The following FARS2 variants were observed in gnomAD, a reference collection of about 807,000 sequenced individuals.
FARS2 encodes phenylalanine--tRNA ligase, mitochondrial.
Under a neutral mutation model 46.4 loss-of-function variants are expected in FARS2, and 40 were observed. That is an observed-to-expected ratio of 0.86 (90% CI 0.67 to 1.12). The LOEUF (loss-of-function observed/expected upper bound fraction) is 1.12, where lower values mean the gene tolerates loss of function less well. FARS2 is among the 50% of genes most tolerant of loss of function. The pLI, the probability that FARS2 is intolerant of heterozygous loss-of-function variation, is 0.00. For synonymous variants in FARS2, 234 were observed against 214.9 expected, an observed-to-expected ratio of 1.09 and a Z score of -0.78; for missense variants, 513 against 567.9, an observed-to-expected ratio of 0.90 and a Z score of 0.98.
chr6:5,732,116 C>T (rs565869183), intron 6 of FARS2, among the ~76,000 whole-genome samples: 4 of 152,276 alleles, frequency 2.6e-5, no homozygotes, highest in Admixed American at 1.3e-4. Context: ...GATTGAAAGT[C>T]GCTTAAATAA....
At position 5,381,370 on chromosome 6, in the gene FARS2, A is replaced by AATACAC. The variant is rs368344271; in HGVS notation, c.612+12189_612+12190insTACACA. On this transcript the variant is annotated intron_variant, in intron 2 of 6. Coordinates refer to ENST00000274680, the MANE Select transcript of FARS2 (RefSeq NM_006567.5). The stretch of plus-strand genomic sequence containing the variant: ...ATGAGAAATTTGCATACTCCCCAGA[A>AATACAC]ACACACACACACACACACACACACA... 3.4e-3 allele frequency among the ~76,000 whole-genome samples: 448 copies of AATACAC among 132,974 alleles called. 3 individuals are homozygous for AATACAC. The highest frequency in any genetic ancestry group is 9.3e-3 in the East Asian group (44 of 4,736). 87.2% of individuals were successfully genotyped at this position (132,974 alleles called of 152,430 possible).
intron 3 of FARS2, among the ~76,000 whole-genome samples, chr6:5,415,862 A>G (rs906347487): frequency 6.6e-6 from 1 of 152,142 alleles, no homozygotes; most frequent in African/African-American, 2.4e-5. Flanking sequence ...GCTCATCACA[A>G]TGCCAGTTAA....
At chr6:5,609,399 C>A in intron 5 of FARS2, 1 of 1,269,150 alleles carries the variant, frequency 7.9e-7, no homozygotes, top group South Asian at 1.2e-5. Flanking sequence ...GTTGTAATTG[C>A]CAAAATCATT....
At chr6:5,740,498 G>A (rs973408254) in intron 6 of FARS2, among the ~76,000 whole-genome samples, 2 of 151,810 alleles carry the variant, frequency 1.3e-5, no homozygotes, top group African/African-American at 2.4e-5. Context: ...TACCAAGTAA[G>A]GGTTTTTTTT....
Position 5,472,881 on chromosome 6 carries a change from C to A in FARS2, c.904+41709C>A, listed in dbSNP as rs564645950. Among the ~76,000 whole-genome samples, 5 of 152,190 alleles carry A rather than the reference C, an allele frequency of 3.3e-5. No homozygotes were observed. The East Asian group carries it at 7.7e-4, about 24-fold the overall frequency. On this transcript the variant is annotated intron_variant, in intron 4 of 6. Transcript: ENST00000274680. ...GGTGGAAGAAATAAGAATACACACCCCCGCAACTTTGTTAAATACAGAGAG... is the reference window on the plus strand; with the variant it reads ...GGTGGAAGAAATAAGAATACACACCACCGCAACTTTGTTAAATACAGAGAG...
chr6:5,682,969 A>G (rs1269186811), intron 6 of FARS2, among the ~76,000 whole-genome samples: 1 of 152,220 alleles, frequency 6.6e-6, no homozygotes, highest in East Asian at 1.9e-4. Context: ...GCACGTGCAA[A>G]GGCACTGAGG....
chr6:5,282,690 G>A (rs1346817349), intron 1 of FARS2, among the ~76,000 whole-genome samples: 1 of 152,226 alleles, frequency 6.6e-6, no homozygotes, highest in Non-Finnish European at 1.5e-5. Context: ...ATAAACTGGT[G>A]CTTTAGAAAG....
intron 6 of FARS2, among the ~76,000 whole-genome samples, chr6:5,690,604 G>A (rs531362587): frequency 2.0e-4 from 30 of 151,628 alleles, no homozygotes; most frequent in Admixed American, 2.6e-4. Context: ...TGGGTAACCC[G>A]ACCTTTCTCT....
chr6:5,537,462 C>T (rs1399544567), intron 4 of FARS2, among the ~76,000 whole-genome samples: 2 of 136,312 alleles, frequency 1.5e-5, no homozygotes, highest in African/African-American at 5.4e-5. Flanking sequence ...GGCCTCCTCT[C>T]GAGCTGGAGA....
At chr6:5,423,043 T>A (rs1762644446) in intron 3 of FARS2, among the ~76,000 whole-genome samples, 1 of 152,136 alleles carries the variant, frequency 6.6e-6, no homozygotes, top group African/African-American at 2.4e-5. Flanking sequence ...GGGATTTGCT[T>A]CTAGATCTGT....
intron 5 of FARS2, among the ~76,000 whole-genome samples, chr6:5,589,131 C>T (rs901195734): frequency 6.6e-6 from 1 of 152,304 alleles, no homozygotes. Flanking sequence ...CAAGGCCTGT[C>T]ACACAGCCTG....
intron 1 of FARS2, among the ~76,000 whole-genome samples, chr6:5,353,449 C>T (rs1289506852): frequency 2.0e-5 from 3 of 152,066 alleles, no homozygotes; most frequent in East Asian, 1.9e-4. Context: ...TATAGAAGTC[C>T]TATTTTTAGT....
intron 4 of FARS2, among the ~76,000 whole-genome samples, chr6:5,432,944 A>G (rs943101311): frequency 3.3e-5 from 5 of 152,010 alleles, no homozygotes; most frequent in African/African-American, 1.2e-4. Flanking sequence ...GGTACTCTCC[A>G]TCTGCAGGGG....
chr6:5,479,741 T>G (rs1372310313), intron 4 of FARS2, among the ~76,000 whole-genome samples: 3 of 152,212 alleles, frequency 2.0e-5, no homozygotes, highest in Non-Finnish European at 2.9e-5. Context: ...AAAAAAATCA[T>G]TCTGGTTTGA....
In FARS2 at chr6:5,286,683, T is replaced by A. The variant is rs183396648; in HGVS notation, c.-22+25023T>A. Among the ~76,000 whole-genome samples, 347 of 152,320 alleles carry A rather than the reference T, an allele frequency of 2.3e-3. 1 individual carries two copies. The highest frequency in any genetic ancestry group is 3.7e-3 in the Non-Finnish European group (251 of 68,024). On this transcript the variant is annotated intron_variant, in intron 1 of 6. Coordinates refer to ENST00000274680, the MANE Select transcript of FARS2 (RefSeq NM_006567.5). ...GTATTATATACATAATTATATTCAA[T>A]GCGATTTATAAAATACATGTATGAT...
At chr6:5,762,685 G>C (rs560193281) in intron 6 of FARS2, among the ~76,000 whole-genome samples, 2 of 152,314 alleles carry the variant, frequency 1.3e-5, no homozygotes, top group South Asian at 2.1e-4. Context: ...TGGGCCCGGC[G>C]GGGGAGGCCC....
intron 4 of FARS2, among the ~76,000 whole-genome samples, chr6:5,504,858 C>T (rs962914900): frequency 6.6e-6 from 1 of 152,072 alleles, no homozygotes; most frequent in African/African-American, 2.4e-5. Context: ...GGGTCTTTCT[C>T]TCTGTTACCC....
intron 4 of FARS2, among the ~76,000 whole-genome samples, chr6:5,536,417 G>A (rs1205862341): frequency 1.3e-5 from 2 of 152,110 alleles, no homozygotes; most frequent in Non-Finnish European, 2.9e-5. Context: ...AAAAATAGGA[G>A]TGTCTGCTGG....
intron 6 of FARS2, among the ~76,000 whole-genome samples, chr6:5,667,024 C>T (rs937076005): frequency 3.3e-5 from 5 of 151,996 alleles, no homozygotes; most frequent in Non-Finnish European, 7.4e-5. Flanking sequence ...ATGTTGCAAA[C>T]ACATGGACAC....
Sources: gnomAD v4.1 joint callset for allele counts (sites outside exome capture counted in the v4.1 genomes callset) on GRCh38, gnomAD v4.1.1 for gene constraint, MANE v1.5 for transcripts, NCBI Gene and HGNC (gene_info 2026-07-23, HGNC 2026-07-21) for gene names.